NCALD: variants seen among roughly 807,000 people sequenced by gnomAD.
The protein encoded by NCALD is neurocalcin delta.
Under a neutral mutation model 18.6 loss-of-function variants are expected in NCALD, and 10 were observed. That is an observed-to-expected ratio of 0.54 (90% CI 0.33 to 0.91). NCALD has a LOEUF of 0.91. Ranked by LOEUF, NCALD falls within the 40% of genes least tolerant of loss-of-function variation. The pLI is 0.03. For missense variants in NCALD, 184 were observed against 247.6 expected (o/e 0.74, Z 1.72); for synonymous variants, 88 against 87.4 (o/e 1.01, Z -0.04).
chr8:101,808,885 A>AAGAGAGAGAGGG (rs1397088464), intron 4 of NCALD, among the ~76,000 whole-genome samples: 3 of 152,134 alleles, frequency 2.0e-5, no homozygotes, highest in Admixed American at 6.6e-5. Flanking sequence ...TTTTACATGA[A>AAGAGAGAGAGGG]AGAGAGAGAG....
chr8:101,875,894 C>G lies in NCALD; in HGVS notation c.-20+11247G>C, dbSNP rs1586674430. 2.0e-5 allele frequency among the ~76,000 whole-genome samples: 3 copies of G among 152,240 alleles called. No individual in the cohort carries two copies. The East Asian group carries it at 5.8e-4, about 29-fold the overall frequency. On this transcript the variant is annotated intron_variant, in intron 4 of 6. Coordinates refer to the NCALD transcript ENST00000311028. ...CAATCCCAAGTGGAACATCTCTCCT[C>G]TCCAGGATGAATGGCTGCCTCTGTT...
At chr8:101,869,767 C>T (rs900137117) in intron 4 of NCALD, among the ~76,000 whole-genome samples, 1 of 152,168 alleles carries the variant, frequency 6.6e-6, no homozygotes, top group African/African-American at 2.4e-5. Flanking sequence ...CACGTCTGTG[C>T]AATGACCAAA....
chr8:102,011,232 T>G (rs1303005564), intron 2 of NCALD, among the ~76,000 whole-genome samples: 1 of 152,218 alleles, frequency 6.6e-6, no homozygotes, highest in South Asian at 2.1e-4. Flanking sequence ...AAATACACCT[T>G]GGTCTCCTTC....
intron 3 of NCALD, among the ~76,000 whole-genome samples, chr8:101,907,389 C>T (rs1158181283): frequency 1.3e-5 from 2 of 152,034 alleles, no homozygotes; most frequent in African/African-American, 4.8e-5. Context: ...ACTCTTGTGC[C>T]ATACTCTCTA....
intron 1 of NCALD, among the ~76,000 whole-genome samples, chr8:101,729,039 C>A: frequency 6.6e-6 from 1 of 152,222 alleles, no homozygotes; most frequent in Admixed American, 6.5e-5. Context: ...ATGACTTAGA[C>A]ATCAGATATT....
intron 1 of NCALD, among the ~76,000 whole-genome samples, chr8:102,077,971 C>T (rs1301998308): frequency 1.3e-5 from 2 of 152,180 alleles, no homozygotes; most frequent in East Asian, 1.9e-4. Flanking sequence ...GACCTCTCCC[C>T]TGCTCCAGAT....
intron 2 of NCALD, among the ~76,000 whole-genome samples, chr8:101,978,189 G>A (rs1477607550): frequency 6.6e-6 from 1 of 150,870 alleles, no homozygotes; most frequent in Non-Finnish European, 1.5e-5. Context: ...TATGATTACT[G>A]TACTTATGTA....
intron 1 of NCALD, among the ~76,000 whole-genome samples, chr8:101,736,089 C>T (rs753918296): frequency 1.3e-5 from 2 of 152,162 alleles, no homozygotes; most frequent in Non-Finnish European, 1.5e-5. Context: ...GGCAAGCCCC[C>T]GTTCCTATGC....
Position 102,073,809 on chromosome 8 carries a change from A to C in NCALD, c.-210+50428T>G, listed in dbSNP as rs1469370400. Among the ~76,000 whole-genome samples the C allele has an allele frequency of 2.6e-5, 4 of 152,164 alleles. No individual in the cohort carries two copies. The East Asian group carries it at 7.7e-4, about 29-fold the overall frequency. On this transcript the variant is annotated intron_variant, in intron 1 of 6. Transcript: ENST00000311028. ...GCTGTACCTTCATGGTGATTTTTTA[A>C]AATGTTTGCATTAATAAGGTATTTC...
chr8:101,898,439 A>G (rs1436046409), intron 3 of NCALD, among the ~76,000 whole-genome samples: 2 of 152,050 alleles, frequency 1.3e-5, no homozygotes, highest in African/African-American at 4.8e-5. Flanking sequence ...TGTTTTGCAA[A>G]CATTTTCTCC....
intron 1 of NCALD, among the ~76,000 whole-genome samples, chr8:102,031,843 C>T (rs553485912): frequency 4.7e-4 from 72 of 152,184 alleles, no homozygotes; most frequent in Admixed American, 1.7e-3. Flanking sequence ...TCCGTGGCCT[C>T]TGATCTCCCT....
At chr8:101,979,329 T>C (rs1389431096) in intron 2 of NCALD, among the ~76,000 whole-genome samples, 1 of 152,212 alleles carries the variant, frequency 6.6e-6, no homozygotes, top group Non-Finnish European at 1.5e-5. Flanking sequence ...GAATGACTTA[T>C]CATTCATTAC....
intron 1 of NCALD, among the ~76,000 whole-genome samples, chr8:101,761,586 C>T (rs913369824): frequency 3.3e-5 from 5 of 152,208 alleles, no homozygotes; most frequent in Admixed American, 3.3e-4. Flanking sequence ...CATTTGAAGG[C>T]ACTGAGAGTG....
chr8:101,945,003 A>T (rs935919013), intron 2 of NCALD, among the ~76,000 whole-genome samples: 1 of 152,224 alleles, frequency 6.6e-6, no homozygotes, highest in Non-Finnish European at 1.5e-5. Flanking sequence ...AGCAACTGAC[A>T]TAAAATCAGT....
chr8:101,834,455 G>A (rs1253644457), intron 4 of NCALD, among the ~76,000 whole-genome samples: 3 of 152,214 alleles, frequency 2.0e-5, no homozygotes, highest in Non-Finnish European at 4.4e-5. Context: ...CTAGGCCACC[G>A]GATGGGCCTT....
chr8:101,988,154 C>CAAAAAAAAAAA (rs141735735), intron 2 of NCALD, among the ~76,000 whole-genome samples: 11 of 36,898 alleles, frequency 3.0e-4, no homozygotes, highest in African/African-American at 7.0e-4. Flanking sequence ...GACTCCGTCT[C>CAAAAAAAAAAA]AAAAAAAAAA....
chr8:101,728,010 C>T (rs1274912323), intron 1 of NCALD, among the ~76,000 whole-genome samples: 1 of 152,012 alleles, frequency 6.6e-6, no homozygotes, highest in Non-Finnish European at 1.5e-5. Context: ...TCCTAGAGAT[C>T]AAAAAATAAA....
chr8:101,844,307 G>C (rs1404043250), intron 4 of NCALD, among the ~76,000 whole-genome samples: 3 of 152,070 alleles, frequency 2.0e-5, no homozygotes, highest in Non-Finnish European at 4.4e-5. Context: ...GGTTGGGAAT[G>C]AACTGAATTG....
chr8:101,953,626 C>T (rs149754927), intron 2 of NCALD, among the ~76,000 whole-genome samples: 83 of 152,350 alleles, frequency 5.4e-4, no homozygotes, highest in African/African-American at 1.9e-3. Flanking sequence ...TCAGCCAGAG[C>T]CTTGCTCATG....
Sources: gnomAD v4.1 joint callset for allele counts (sites outside exome capture counted in the v4.1 genomes callset) on GRCh38, gnomAD v4.1.1 for gene constraint, MANE v1.5 for transcripts, NCBI Gene and HGNC (gene_info 2026-07-23, HGNC 2026-07-21) for gene names.